Variants in AHRR observed in about 807,000 individuals in gnomAD.
AHRR encodes ahR repressor.
A neutral mutation model predicts 44.0 loss-of-function variants in AHRR; 28 were observed. The ratio of observed to expected loss-of-function variants is 0.64; its 90% CI spans 0.47 to 0.87. The LOEUF is 0.87. Ranked by LOEUF, AHRR falls within the 40% of genes least tolerant of loss-of-function variation. AHRR has a pLI of 0.00. For missense variants in AHRR, 990 were observed against 953.9 expected (o/e 1.04, Z -0.50); for synonymous variants, 434 against 407.0 (o/e 1.07, Z -0.80).
rs746902720 is a variant in AHRR, at chr5:423,983, T to G, written c.708+6T>G. 6.3e-7 allele frequency: 1 copy of G among 1,595,118 alleles called. No individual in the cohort carries two copies. Among genetic ancestry groups the G allele is most frequent in the Admixed American group, 1.7e-5 (1 of 59,538 alleles). ...ACAGCACCTCGGGCTTCCTGGTGAG[T>G]GCGTGGGTCCCTGGCAGGGGGCTCC... On this transcript the variant is annotated splice_donor_region_variant and intron_variant, in intron 7 of 10. Transcript: ENST00000684583.
At chr5:386,796 T>A (rs566051689) in intron 4 of AHRR, among the ~76,000 whole-genome samples, 2 of 151,670 alleles carry the variant, frequency 1.3e-5, no homozygotes, top group Admixed American at 6.6e-5. Context: ...GCCCTGAGGC[T>A]CTGGGTCCTG....
Position 423,850 on chromosome 5 carries a change from C to G in AHRR, c.581C>G (p.Ala194Gly). ...CCCCTATGGTCTGCAGGAGATGATG[C>G]TATCCTGGGGAGGCTGCTCAGGGCC... ...QPPPLETGDD[A>G]ILGRLLRAQE... The change falls in exon 7 of 11, where the codon GCT (alanine) becomes GGT (glycine). Residue 194 changes from alanine to glycine, a missense_variant. Physicochemically the swap from Ala to Gly is moderately conservative, Grantham distance 60. Transcript: ENST00000684583. The G allele has an allele frequency of 6.2e-7, 1 of 1,603,164 alleles. No individual in the cohort carries two copies. The highest frequency in any genetic ancestry group is 1.1e-5 in the South Asian group (1 of 90,850).
At chr5:322,843 G>A (rs936967991) in intron 1 of AHRR, among the ~76,000 whole-genome samples, 1 of 152,254 alleles carries the variant, frequency 6.6e-6, no homozygotes, top group Non-Finnish European at 1.5e-5. Flanking sequence ...GCCGCCTGGG[G>A]AGCCGCTTCG....
intron 7 of AHRR, among the ~76,000 whole-genome samples, chr5:427,033 TGATG>T (rs1186444589): frequency 2.1e-4 from 26 of 124,418 alleles, no homozygotes; most frequent in African/African-American, 2.2e-4. Context: ...GATGGGAAGA[TGATG>T]GATGGATGGG....
rs1389842311 is a variant in AHRR, at chr5:376,618, G to A, written c.253G>A (p.Glu85Lys). Residue 85 changes from glutamate (E) to lysine (K), a missense_variant, in exon 4 of 11, where the codon GAG becomes AAG. Transcript: ENST00000684583. ...CTTTTCTTCTCTGACAGTCGTGCAG[G>A]AGCAGAGCTCACGGCAGCCTGCGGC... ...RVKSFFQVVQ[E>K]QSSRQPAAGA... 4.9e-6 allele frequency: 5 copies of A among 1,023,396 alleles called. No homozygotes were observed. The highest frequency in any genetic ancestry group is 5.9e-6 in the Non-Finnish European group (5 of 845,258). 63.4% of individuals were successfully genotyped at this position (1,023,396 alleles called of 1,614,324 possible).
intron 2 of AHRR, among the ~76,000 whole-genome samples, chr5:353,352 G>A (rs1174991235): frequency 6.6e-6 from 1 of 152,182 alleles, no homozygotes; most frequent in African/African-American, 2.4e-5. Context: ...CATTTTCTAT[G>A]CTCACTCCTG....
At chr5:372,600 A>T (rs1223114997) in intron 3 of AHRR, among the ~76,000 whole-genome samples, 4 of 152,166 alleles carry the variant, frequency 2.6e-5, no homozygotes, top group Admixed American at 2.6e-4. Flanking sequence ...GTCGCTGCAC[A>T]GGGCTGGGGT....
chr5:344,253 C>T (rs955735685), intron 2 of AHRR, among the ~76,000 whole-genome samples: 6 of 150,940 alleles, frequency 4.0e-5, no homozygotes, highest in Non-Finnish European at 7.4e-5. Context: ...GGCGGAGCTC[C>T]GGGCGGCAGA....
intron 4 of AHRR, among the ~76,000 whole-genome samples, chr5:400,728 AT>A (rs1259677135): frequency 6.6e-6 from 1 of 152,214 alleles, no homozygotes; most frequent in African/African-American, 2.4e-5. Flanking sequence ...GGCAAACAGC[AT>A]TTTATGGTCT....
intron 4 of AHRR, among the ~76,000 whole-genome samples, chr5:398,381 ACTGT>A (rs1208885817): frequency 6.6e-6 from 1 of 150,462 alleles, no homozygotes; most frequent in East Asian, 2.0e-4. Flanking sequence ...ATTAGCCCCG[ACTGT>A]CTGGTTAGCC....
intron 4 of AHRR, 64 bp downstream of exon 4, chr5:376,780 G>C (rs1733720357): frequency 1.4e-6 from 2 of 1,407,950 alleles, no homozygotes; most frequent in South Asian, 2.5e-5. Context: ...GCGTGTTCAG[G>C]CTCAGTCATA....
At chr5:373,910 G>A (rs1348426806) in intron 3 of AHRR, among the ~76,000 whole-genome samples, 1 of 150,976 alleles carries the variant, frequency 6.6e-6, no homozygotes, top group Non-Finnish European at 1.5e-5. Context: ...TGACGGCGCC[G>A]GCGGCTGCGG....
intron 8 of AHRR, among the ~76,000 whole-genome samples, chr5:428,652 G>A (rs1736579145): frequency 6.6e-6 from 1 of 152,222 alleles, no homozygotes; most frequent in Non-Finnish European, 1.5e-5. Context: ...TACTCACTAT[G>A]CATTTCATTT....
intron 8 of AHRR, among the ~76,000 whole-genome samples, chr5:429,898 C>A (rs1165613046): frequency 6.6e-6 from 1 of 152,236 alleles, no homozygotes; most frequent in Admixed American, 6.5e-5. Context: ...GGGGTTGCCA[C>A]GGCCCTGTGT....
At chr5:414,929 A>C (rs1735652817) in intron 5 of AHRR, among the ~76,000 whole-genome samples, 1 of 152,272 alleles carries the variant, frequency 6.6e-6, no homozygotes, top group African/African-American at 2.4e-5. Flanking sequence ...CTCTGAGGAC[A>C]CAGATACAGC....
At chr5:421,260 T>A (rs574703748) in intron 5 of AHRR, 2 of 697,900 alleles carry the variant, frequency 2.9e-6, no homozygotes, top group South Asian at 3.0e-5. Context: ...ACGGAGCGGA[T>A]GCCGTGTGCA....
chr5:344,058 C>G (rs1422559707), intron 2 of AHRR, 94 bp downstream of exon 2: 2 of 1,364,780 alleles, frequency 1.5e-6, no homozygotes, highest in Non-Finnish European at 2.0e-6. Flanking sequence ...AGGAACAGGG[C>G]GAGCGAGGAA....
rs1743660245 is a variant in AHRR, at chr5:373,688, G to A, written c.245-2922G>A. Among the ~76,000 whole-genome samples, 9 of 151,644 alleles carry A rather than the reference G, an allele frequency of 5.9e-5. No homozygotes were observed. In the South Asian group the frequency reaches 1.9e-3, roughly 31 times the overall value. ...CCTCCCGGGGCGGACCCTCAGGTGG[G>A]ACCCCCAGGCTCAGGGAGGGCGGGG... On this transcript the variant is annotated intron_variant, in intron 3 of 10. Transcript: ENST00000684583.
intron 3 of AHRR, among the ~76,000 whole-genome samples, chr5:365,140 A>T (rs1289801299): frequency 6.6e-6 from 1 of 152,154 alleles, no homozygotes; most frequent in Non-Finnish European, 1.5e-5. Context: ...GCAAAGAAAA[A>T]AAAAAGGTTA....
Sources: gnomAD v4.1 joint callset for allele counts (sites outside exome capture counted in the v4.1 genomes callset) on GRCh38, gnomAD v4.1.1 for gene constraint, MANE v1.5 for transcripts, NCBI Gene and HGNC (gene_info 2026-07-23, HGNC 2026-07-21) for gene names.